The following MALRD1 variants were observed in gnomAD, a reference collection of about 807,000 sequenced individuals.
The protein encoded by MALRD1 is MAM and LDL receptor class A domain containing 1.
A neutral mutation model predicts 242.1 loss-of-function variants in MALRD1; 247 were observed. The ratio of observed to expected loss-of-function variants is 1.02; its 90% confidence interval spans 0.92 to 1.13. The LOEUF (loss-of-function observed/expected upper bound fraction) is 1.13, where lower values mean the gene tolerates loss of function less well. MALRD1 is among the 50% of genes most tolerant of loss of function. The pLI is 0.00. For missense variants in MALRD1, 2,989 were observed against 2,533.1 expected, an observed-to-expected ratio of 1.18 and a Z score of -3.86; for synonymous variants, 995 against 866.6, an observed-to-expected ratio of 1.15 and a Z score of -2.60.
At chr10:19,537,486 C>T (rs987205541) in intron 32 of MALRD1, among the ~76,000 whole-genome samples, 36 of 152,026 alleles carry the variant, frequency 2.4e-4, no homozygotes, top group African/African-American at 6.8e-4. Flanking sequence ...GGCAGGAGAG[C>T]GCTCTTCTCT....
intron 36 of MALRD1, among the ~76,000 whole-genome samples, chr10:19,646,864 C>T (rs12413789): frequency 0.29 from 43,466 of 152,038 alleles, 7,458 homozygotes; most frequent in South Asian, 0.44. Flanking sequence ...GGACAGAAGG[C>T]ATTGCATTGT....
chr10:19,218,920 T>G (rs1187952293), intron 18 of MALRD1, among the ~76,000 whole-genome samples: 1 of 152,148 alleles, frequency 6.6e-6, no homozygotes, highest in East Asian at 1.9e-4. Flanking sequence ...AGGCTAATAA[T>G]TCCAATGATT....
At chr10:19,424,192 G>A (rs757804903) in intron 28 of MALRD1, among the ~76,000 whole-genome samples, 2 of 151,514 alleles carry the variant, frequency 1.3e-5, no homozygotes, top group Admixed American at 6.6e-5. Flanking sequence ...GTCTTGCTCT[G>A]TTGCCCAGCC....
At chr10:19,254,788 C>T (rs948176703) in intron 18 of MALRD1, among the ~76,000 whole-genome samples, 1 of 151,336 alleles carries the variant, frequency 6.6e-6, no homozygotes, top group African/African-American at 2.4e-5. Context: ...TCTGAGGATA[C>T]ATTATATTAA....
chr10:19,214,964 C>T (rs967354996), intron 18 of MALRD1, among the ~76,000 whole-genome samples: 1 of 152,182 alleles, frequency 6.6e-6, no homozygotes, highest in Admixed American at 6.5e-5. Flanking sequence ...TCATGATATG[C>T]AGATATTATT....
At chr10:19,086,412 A>G (rs1300447251) in intron 2 of MALRD1, among the ~76,000 whole-genome samples, 1 of 152,068 alleles carries the variant, frequency 6.6e-6, no homozygotes, top group African/African-American at 2.4e-5. Context: ...AGAGTGGCAG[A>G]AAACAATGGT....
At chr10:19,061,246 T>C (rs1290738183) in intron 1 of MALRD1, among the ~76,000 whole-genome samples, 2 of 152,190 alleles carry the variant, frequency 1.3e-5, no homozygotes, top group East Asian at 1.9e-4. Flanking sequence ...AAATCTTTTA[T>C]ATTGAAAACT....
chr10:19,693,929 A>G (rs1016578943), intron 38 of MALRD1, among the ~76,000 whole-genome samples: 2 of 152,110 alleles, frequency 1.3e-5, no homozygotes, highest in African/African-American at 4.8e-5. Context: ...CCACACATCT[A>G]CAACCATCTG....
intron 26 of MALRD1, among the ~76,000 whole-genome samples, chr10:19,357,672 A>G (rs1353408251): frequency 6.6e-6 from 1 of 152,152 alleles, no homozygotes; most frequent in Non-Finnish European, 1.5e-5. Flanking sequence ...ATTTCTCATT[A>G]CTGCAAAAAC....
chr10:19,531,926 C>T (rs1834434132), intron 32 of MALRD1, among the ~76,000 whole-genome samples: 1 of 152,122 alleles, frequency 6.6e-6, no homozygotes, highest in Non-Finnish European at 1.5e-5. Flanking sequence ...ATCTTGGTTT[C>T]TAATTAAATG....
At chr10:19,306,202 G>A (rs1222563998) in intron 21 of MALRD1, among the ~76,000 whole-genome samples, 1 of 120,308 alleles carries the variant, frequency 8.3e-6, no homozygotes, top group Non-Finnish European at 1.7e-5. Context: ...TACATATATA[G>A]TATATATATA....
chr10:19,641,600 T>C (rs929194570), intron 36 of MALRD1, among the ~76,000 whole-genome samples: 3 of 152,106 alleles, frequency 2.0e-5, no homozygotes, highest in African/African-American at 7.2e-5. Context: ...ATATAAATTA[T>C]GGAAAAAACA....
intron 29 of MALRD1, among the ~76,000 whole-genome samples, chr10:19,451,539 T>C (rs1172793637): frequency 6.6e-6 from 1 of 152,206 alleles, no homozygotes; most frequent in Non-Finnish European, 1.5e-5. Context: ...GTGTGAGATA[T>C]ACTGCCAGTG....
chr10:19,579,889 G>C (rs979159670), intron 33 of MALRD1, among the ~76,000 whole-genome samples: 6 of 152,134 alleles, frequency 3.9e-5, no homozygotes, highest in African/African-American at 1.2e-4. Flanking sequence ...GAGGATTTGG[G>C]GAATGCTTTA....
intron 21 of MALRD1, among the ~76,000 whole-genome samples, chr10:19,317,225 A>T (rs1346671747): frequency 6.6e-6 from 1 of 151,910 alleles, no homozygotes; most frequent in Non-Finnish European, 1.5e-5. Context: ...AGGCACTGAC[A>T]TATTTGCTGA....
chr10:19,642,311 A>T (rs1475651248), intron 36 of MALRD1, among the ~76,000 whole-genome samples: 1 of 151,998 alleles, frequency 6.6e-6, no homozygotes, highest in Non-Finnish European at 1.5e-5. Flanking sequence ...TAATTTTAAA[A>T]TTTTTCTTTT....
chr10:19,707,510 T>C (rs1038831318), intron 38 of MALRD1, among the ~76,000 whole-genome samples: 3 of 152,122 alleles, frequency 2.0e-5, no homozygotes, highest in Non-Finnish European at 2.9e-5. Context: ...TTTTAAAAGA[T>C]TGAGAAAGAG....
intron 18 of MALRD1, among the ~76,000 whole-genome samples, chr10:19,239,486 A>G (rs990917672): frequency 5.3e-5 from 8 of 152,164 alleles, no homozygotes; most frequent in Non-Finnish European, 7.3e-5. Context: ...GCTGTGCAAA[A>G]GCATTTTAGT....
rs1834533540 is a variant in MALRD1, at chr10:19,439,812, C to T, written c.4846-10495C>T. Among the ~76,000 whole-genome samples, 3 of 151,982 alleles carry T rather than the reference C, an allele frequency of 2.0e-5. No individual in the cohort carries two copies. In the South Asian group the frequency reaches 6.2e-4, roughly 32 times the overall value. ...TTTATTTTACTTTTTATCCTCCTTC[C>T]CCACTCCATTTCCCTTTTACTCCAT... On this transcript the variant is annotated intron_variant, in intron 28 of 39. Coordinates refer to ENST00000454679, the MANE Select transcript of MALRD1 (RefSeq NM_001142308.3).
Sources: gnomAD v4.1 joint callset for allele counts (sites outside exome capture counted in the v4.1 genomes callset) on GRCh38, gnomAD v4.1.1 for gene constraint, MANE v1.5 for transcripts, NCBI Gene and HGNC (gene_info 2026-07-23, HGNC 2026-07-21) for gene names.